CEP112: variants seen among roughly 807,000 people sequenced by gnomAD.
CEP112 encodes centrosomal protein 112.
A neutral mutation model predicts 153.0 loss-of-function variants in CEP112; 127 were observed. The observed-to-expected ratio is 0.83, with a 90% CI of 0.72 to 0.96. The LOEUF (loss-of-function observed/expected upper bound fraction) is 0.96. Ranked by LOEUF, CEP112 falls within the 40% of genes least tolerant of loss-of-function variation. CEP112 has a pLI of 0.00. For missense variants in CEP112, 1,089 were observed against 1,101.2 expected (o/e 0.99, Z 0.16); for synonymous variants, 358 against 374.4 (o/e 0.96, Z 0.51).
chr17:65,875,882 G>A (rs2058809527), intron 20 of CEP112, among the ~76,000 whole-genome samples: 1 of 152,134 alleles, frequency 6.6e-6, no homozygotes, highest in African/African-American at 2.4e-5. Context: ...TTCAAAATGT[G>A]AAATTTAATA....
intron 1 of CEP112, among the ~76,000 whole-genome samples, chr17:66,186,371 G>A (rs868815713): frequency 2.0e-5 from 3 of 151,850 alleles, no homozygotes; most frequent in African/African-American, 4.8e-5. Flanking sequence ...GCACGATCTC[G>A]GCTCACTGCA....
intron 4 of CEP112, among the ~76,000 whole-genome samples, chr17:66,148,058 C>A (rs944145764): frequency 6.6e-6 from 1 of 152,068 alleles, no homozygotes; most frequent in Non-Finnish European, 1.5e-5. Flanking sequence ...AAAGACATAC[C>A]CAGATTGGGG....
chr17:65,640,882 A>T lies in CEP112; in HGVS notation c.2799+82T>A, dbSNP rs531042078. 6 of 795,944 alleles carry T rather than the reference A, an allele frequency of 7.5e-6. No individual in the cohort carries two copies. The East Asian group carries it at 1.2e-4, about 16-fold the overall frequency. The allele number at this position is 795,944 out of a possible 1,614,324, so 49.3% of individuals were successfully genotyped here. ...TGACATCACATTGATTTCTGGCAACAATTTGGAATCAGATTTATTTGCAAG... is the reference window on the plus strand; with the variant it reads ...TGACATCACATTGATTTCTGGCAACTATTTGGAATCAGATTTATTTGCAAG... On this transcript the variant is annotated intron_variant, in intron 25 of 26. Coordinates refer to ENST00000535342, the MANE Select transcript of CEP112 (RefSeq NM_001199165.4).
At chr17:66,109,636 C>T (rs2146363438) in intron 6 of CEP112, among the ~76,000 whole-genome samples, 1 of 151,316 alleles carries the variant, frequency 6.6e-6, no homozygotes, top group South Asian at 2.1e-4. Context: ...GGGCTAAAGA[C>T]TGAAAAAAAA....
chr17:65,997,487 C>T (rs2063832506), intron 17 of CEP112, among the ~76,000 whole-genome samples: 1 of 152,166 alleles, frequency 6.6e-6, no homozygotes. Context: ...CCACTCCTTA[C>T]TGGCTTAAGT....
chr17:65,837,879 C>T (rs2057381147), intron 21 of CEP112, among the ~76,000 whole-genome samples: 1 of 152,096 alleles, frequency 6.6e-6, no homozygotes, highest in Non-Finnish European at 1.5e-5. Context: ...TAAATAGATG[C>T]TTGAAGGCAG....
chr17:65,822,638 C>T (rs1297718735), intron 21 of CEP112, among the ~76,000 whole-genome samples: 1 of 152,072 alleles, frequency 6.6e-6, no homozygotes, highest in African/African-American at 2.4e-5. Context: ...ATTACAAATG[C>T]TCATGTATTT....
chr17:65,686,301 C>G (rs893220183), intron 24 of CEP112, among the ~76,000 whole-genome samples: 4 of 151,656 alleles, frequency 2.6e-5, no homozygotes, highest in Non-Finnish European at 5.9e-5. Context: ...AAGCTATTGT[C>G]ACTACAAAGA....
At chr17:65,656,565 A>G (rs943996832) in intron 24 of CEP112, among the ~76,000 whole-genome samples, 1 of 152,236 alleles carries the variant, frequency 6.6e-6, no homozygotes, top group Non-Finnish European at 1.5e-5. Context: ...ACTGGAACAC[A>G]GCCATGCTCA....
chr17:66,045,809 T>C (rs193087858), intron 12 of CEP112, among the ~76,000 whole-genome samples: 2 of 152,258 alleles, frequency 1.3e-5, no homozygotes, highest in East Asian at 3.9e-4. Flanking sequence ...TTCTCAAAGT[T>C]TGGTCAACAA....
At chr17:66,099,958 C>T (rs1190230639) in intron 6 of CEP112, among the ~76,000 whole-genome samples, 1 of 152,002 alleles carries the variant, frequency 6.6e-6, no homozygotes, top group African/African-American at 2.4e-5. Context: ...ACTAGGACAA[C>T]AGGTATTCAA....
chr17:65,876,253 C>T (rs1393005311), intron 20 of CEP112, among the ~76,000 whole-genome samples: 2 of 152,324 alleles, frequency 1.3e-5, no homozygotes, highest in African/African-American at 4.8e-5. Context: ...CATACAACCT[C>T]CAAAGAAATG....
intron 18 of CEP112, among the ~76,000 whole-genome samples, chr17:65,944,676 A>G (rs2061598567): frequency 6.6e-6 from 1 of 152,110 alleles, no homozygotes; most frequent in Non-Finnish European, 1.5e-5. Context: ...TATAACTTCA[A>G]ATGGCTGGGC....
In CEP112 at chr17:66,027,649, T is replaced by C. The variant is rs1037933198; in HGVS notation, c.1597-89A>G. ...AACCTAATTAAATCAATCAATCTACTTAATGTCAAACTTCAGTTCAGAGTT... is the reference window on the plus strand; with the variant it reads ...AACCTAATTAAATCAATCAATCTACCTAATGTCAAACTTCAGTTCAGAGTT... On this transcript the variant is annotated intron_variant, in intron 15 of 26. Coordinates refer to ENST00000535342, the MANE Select transcript of CEP112 (RefSeq NM_001199165.4). 4.2e-6 allele frequency: 4 copies of C among 960,208 alleles called. No individual in the cohort carries two copies. In the Admixed American group the frequency reaches 1.2e-4, roughly 29 times the overall value. The allele number at this position is 960,208 out of a possible 1,614,324, so 59.5% of individuals were successfully genotyped here. A position where few individuals can be genotyped will look rare whatever the true frequency, so the allele number is the denominator to read the frequency against.
intron 8 of CEP112, among the ~76,000 whole-genome samples, chr17:66,080,383 G>A (rs113631694): frequency 6.6e-6 from 1 of 152,136 alleles, no homozygotes; most frequent in African/African-American, 2.4e-5. Flanking sequence ...AAAAGAAGAC[G>A]TTTATACGGC....
At chr17:66,027,362 G>A (rs1444789957) in intron 16 of CEP112, 139 bp downstream of exon 16, 2 of 806,544 alleles carry the variant, frequency 2.5e-6, no homozygotes, top group African/African-American at 1.9e-5. Context: ...GGGTGACAGA[G>A]CAAGACTCTG....
chr17:65,842,745 A>T (rs1372665041), intron 21 of CEP112, among the ~76,000 whole-genome samples: 1 of 152,188 alleles, frequency 6.6e-6, no homozygotes, highest in East Asian at 1.9e-4. Context: ...CATGTAAAAA[A>T]GGGTCTAAGG....
intron 18 of CEP112, among the ~76,000 whole-genome samples, chr17:65,933,376 G>A (rs2061192449): frequency 6.6e-6 from 1 of 152,140 alleles, no homozygotes; most frequent in African/African-American, 2.4e-5. Context: ...AGTTCACGAA[G>A]ACACATCATA....
intron 20 of CEP112, among the ~76,000 whole-genome samples, chr17:65,889,277 A>G (rs766529927): frequency 3.3e-5 from 5 of 151,998 alleles, no homozygotes; most frequent in Non-Finnish European, 5.9e-5. Context: ...GCCCACAACC[A>G]CTTCAGAATT....
Sources: allele counts gnomAD v4.1 joint callset (sites outside exome capture counted in the v4.1 genomes callset), GRCh38; gene constraint gnomAD v4.1.1; transcripts MANE v1.5; gene names NCBI Gene and HGNC (gene_info 2026-07-23, HGNC 2026-07-21).